COL26A1: variants seen among roughly 807,000 people sequenced by gnomAD.
COL26A1 encodes the protein collagen alpha-1(XXVI) chain.
Under a neutral mutation model 59.3 loss-of-function variants are expected in COL26A1, and 41 were observed. The observed-to-expected ratio is 0.69, with a 90% confidence interval of 0.54 to 0.90. The LOEUF is 0.90. Ranked by LOEUF, COL26A1 falls within the 40% of genes least tolerant of loss-of-function variation. COL26A1 has a pLI of 0.00. For synonymous variants in COL26A1, 266 were observed against 256.0 expected (o/e 1.04, Z -0.37); for missense variants, 612 against 602.3 (o/e 1.02, Z -0.17).
At chr7:101,387,778 A>ATTTTTTTTTTTTTTTTTTTTTT (rs1554404085) in intron 1 of COL26A1, among the ~76,000 whole-genome samples, 5 of 84,800 alleles carry the variant, frequency 5.9e-5, no homozygotes, top group Non-Finnish European at 8.7e-5. Context: ...ATATATATAT[A>ATTTTTTTTTTTTTTTTTTTTTT]TTTTTTTTTA....
At chr7:101,489,443 G>A (rs114311065) in intron 3 of COL26A1, among the ~76,000 whole-genome samples, 7,215 of 152,232 alleles carry the variant, frequency 0.047, 587 homozygotes, top group African/African-American at 0.16. Flanking sequence ...ACAGGAACAG[G>A]GTCCTGATCC....
At chr7:101,436,740 G>A (rs1283006044) in intron 2 of COL26A1, among the ~76,000 whole-genome samples, 3 of 149,680 alleles carry the variant, frequency 2.0e-5, no homozygotes, top group African/African-American at 7.4e-5. Flanking sequence ...TTTTGAGACA[G>A]AGTCTCACTC....
chr7:101,521,036 A>G (rs946191529), intron 3 of COL26A1, among the ~76,000 whole-genome samples: 10 of 152,152 alleles, frequency 6.6e-5, no homozygotes, highest in Non-Finnish European at 1.3e-4. Context: ...CTGACTCACA[A>G]CTCTACATGG....
intron 3 of COL26A1, among the ~76,000 whole-genome samples, chr7:101,460,527 A>C (rs1318492423): frequency 6.6e-6 from 1 of 152,118 alleles, no homozygotes; most frequent in Non-Finnish European, 1.5e-5. Context: ...TCACACCTGT[A>C]ATCCCAGCAC....
chr7:101,398,312 C>T (rs1791906704), intron 1 of COL26A1, among the ~76,000 whole-genome samples: 1 of 152,198 alleles, frequency 6.6e-6, no homozygotes. Flanking sequence ...TTAGGGGTCA[C>T]TTAGCCAATG....
At chr7:101,378,753 C>G (rs1169522056) in intron 1 of COL26A1, among the ~76,000 whole-genome samples, 2 of 152,100 alleles carry the variant, frequency 1.3e-5, no homozygotes, top group African/African-American at 2.4e-5. Flanking sequence ...TCTCCCACCC[C>G]CTTTCTTGTT....
intron 3 of COL26A1, among the ~76,000 whole-genome samples, chr7:101,470,219 C>G (rs977165768): frequency 6.6e-6 from 1 of 151,852 alleles, no homozygotes; most frequent in Non-Finnish European, 1.5e-5. Context: ...ACTGCCTCAG[C>G]CTCCTGAATA....
chr7:101,464,322 A>G (rs1793703951), intron 3 of COL26A1, among the ~76,000 whole-genome samples: 1 of 151,826 alleles, frequency 6.6e-6, no homozygotes, highest in Non-Finnish European at 1.5e-5. Context: ...CTGGTCTCGA[A>G]CTCCTGACCT....
chr7:101,483,796 TC>T (rs1015403106), intron 3 of COL26A1, among the ~76,000 whole-genome samples: 2 of 151,516 alleles, frequency 1.3e-5, no homozygotes, highest in African/African-American at 4.9e-5. Flanking sequence ...TGCCTCAGCC[TC>T]CCGAGTAGCT....
At chr7:101,443,763 G>A (rs1203516633) in intron 2 of COL26A1, among the ~76,000 whole-genome samples, 1 of 151,906 alleles carries the variant, frequency 6.6e-6, no homozygotes, top group Non-Finnish European at 1.5e-5. Context: ...AACTGTGGGA[G>A]TGTGAAACTT....
At position 101,545,413 on chromosome 7, in the gene COL26A1, C is replaced by T. The variant is rs1795713576; in HGVS notation, c.779C>T (p.Pro260Leu). 2 of 1,607,786 alleles carry T rather than the reference C, an allele frequency of 1.2e-6. No homozygotes were observed. The highest frequency in any genetic ancestry group is 1.7e-6 in the Non-Finnish European group (2 of 1,177,848). The change falls in exon 7 of 13, where the codon CCA (proline) becomes CTA (leucine). Residue 260 changes from proline to leucine, a missense_variant. Pro to Leu is a moderately conservative substitution (Grantham distance 98). Coordinates refer to ENST00000313669, the MANE Select transcript of COL26A1 (RefSeq NM_001278563.3). The stretch of plus-strand genomic sequence containing the variant: ...CCCGGCCCCCCAGGACCACCCGGCC[C>T]AGCAGGCAACCCAGGCCCCTCACCA... ...GRPGPPGPPG[P>L]AGNPGPSPNS...
chr7:101,380,318 C>T (rs1173669714), intron 1 of COL26A1, among the ~76,000 whole-genome samples: 1 of 118,796 alleles, frequency 8.4e-6, no homozygotes. Context: ...TTTTTTGAAA[C>T]AGAGTCTCTC....
At chr7:101,471,605 A>C (rs1439797715) in intron 3 of COL26A1, among the ~76,000 whole-genome samples, 1 of 89,828 alleles carries the variant, frequency 1.1e-5, no homozygotes, top group African/African-American at 4.2e-5. Context: ...TTTGAGACAG[A>C]GTCTCACTCT....
intron 1 of COL26A1, among the ~76,000 whole-genome samples, chr7:101,375,337 TC>T (rs1791288841): frequency 6.6e-6 from 1 of 151,316 alleles, no homozygotes; most frequent in African/African-American, 2.4e-5. Context: ...TAAAGGCTTC[TC>T]TCAGATGGTG....
intron 3 of COL26A1, among the ~76,000 whole-genome samples, chr7:101,466,954 C>T (rs913651798): frequency 2.0e-5 from 3 of 151,940 alleles, no homozygotes; most frequent in Admixed American, 1.3e-4. Context: ...CCCGGTCTTG[C>T]TGCCAGCGCT....
At chr7:101,510,295 G>T (rs1442758675) in intron 3 of COL26A1, among the ~76,000 whole-genome samples, 1 of 152,110 alleles carries the variant, frequency 6.6e-6, no homozygotes, top group African/African-American at 2.4e-5. Flanking sequence ...CAAAATGCTG[G>T]GATTACAGGC....
intron 1 of COL26A1, among the ~76,000 whole-genome samples, chr7:101,365,699 C>T (rs1415665896): frequency 2.6e-5 from 4 of 152,082 alleles, no homozygotes; most frequent in Non-Finnish European, 5.9e-5. Context: ...GCTGGGATCA[C>T]AGGCATGAGC....
intron 1 of COL26A1, among the ~76,000 whole-genome samples, chr7:101,385,650 C>T (rs1021383697): frequency 7.9e-5 from 12 of 152,102 alleles, no homozygotes; most frequent in Non-Finnish European, 7.4e-5. Flanking sequence ...GGATTACAGG[C>T]GTGAGCCACC....
intron 2 of COL26A1, among the ~76,000 whole-genome samples, chr7:101,429,813 G>A (rs1792739084): frequency 6.6e-6 from 1 of 151,816 alleles, no homozygotes; most frequent in South Asian, 2.1e-4. Context: ...GCCCAGGTTC[G>A]TCTCAAACTC....
Sources: gnomAD v4.1 joint callset for allele counts (sites outside exome capture counted in the v4.1 genomes callset) on GRCh38, gnomAD v4.1.1 for gene constraint, MANE v1.5 for transcripts, NCBI Gene and HGNC (gene_info 2026-07-23, HGNC 2026-07-21) for gene names.